Variants in ANTXR1 observed in about 807,000 individuals in gnomAD.
The protein encoded by ANTXR1 is anthrax toxin receptor 1.
Under a neutral mutation model 78.1 loss-of-function variants are expected in ANTXR1, and 19 were observed. The ratio of observed to expected loss-of-function variants is 0.24; its 90% CI spans 0.17 to 0.36. The LOEUF is 0.36. ANTXR1 is among the 10% of genes least tolerant of loss of function. The pLI is 1.00. For missense variants in ANTXR1, 518 were observed against 718.6 expected (o/e 0.72, Z 3.19); for synonymous variants, 273 against 260.5 (o/e 1.05, Z -0.46).
chr2:69,119,187 G>A (rs936818597), intron 10 of ANTXR1, among the ~76,000 whole-genome samples: 5 of 152,202 alleles, frequency 3.3e-5, no homozygotes, highest in Admixed American at 3.3e-4. Flanking sequence ...GTTGTCCAGA[G>A]GCAGCCGGAA....
rs758980852 is a variant in ANTXR1 at position 69,073,145 on chromosome 2, G to T, written c.492+44G>T. On this transcript the variant is annotated intron_variant, in intron 6 of 17. Coordinates refer to ENST00000303714, the MANE Select transcript of ANTXR1 (RefSeq NM_032208.3). ...GTGTCTAAACATATACATGGAACGG[G>T]GCTTCTCCTTTCTAAAATGGGCCAC... 14 of 1,586,228 alleles carry T rather than the reference G, an allele frequency of 8.8e-6. No individual in the cohort carries two copies. The South Asian group carries it at 1.5e-4, about 18-fold the overall frequency.
At chr2:69,047,233 T>C (rs1669795605) in intron 3 of ANTXR1, among the ~76,000 whole-genome samples, 1 of 152,126 alleles carries the variant, frequency 6.6e-6, no homozygotes, top group Admixed American at 6.6e-5. Flanking sequence ...CATTCAGTTC[T>C]TGGGATCAAA....
At position 69,052,622 on chromosome 2, in the gene ANTXR1, T is replaced by G. The variant is rs75931131; in HGVS notation, c.296+7809T>G. On this transcript the variant is annotated intron_variant, in intron 3 of 17. Transcript: ENST00000303714. ...CCCTTCATTAATTTTGTAAAGTACT[T>G]TGTGTAGTACTTGAGCCATTCTATC... 3.6e-4 allele frequency among the ~76,000 whole-genome samples: 55 copies of G among 152,212 alleles called. No individual in the cohort carries two copies. The East Asian group carries it at 0.01, about 28-fold the overall frequency.
chr2:69,124,856 C>T (rs1032533256), intron 12 of ANTXR1, among the ~76,000 whole-genome samples: 1 of 152,136 alleles, frequency 6.6e-6, no homozygotes, highest in African/African-American at 2.4e-5. Flanking sequence ...GTGTTAAGTT[C>T]TCCAGCTTCC....
chr2:69,059,639 C>T (rs560930380), intron 3 of ANTXR1, among the ~76,000 whole-genome samples: 24 of 152,216 alleles, frequency 1.6e-4, no homozygotes, highest in Admixed American at 5.2e-4. Flanking sequence ...CCACTATGCC[C>T]GGCTAATTTG....
chr2:69,199,708 T>C (rs527714732), intron 17 of ANTXR1, among the ~76,000 whole-genome samples: 23 of 152,226 alleles, frequency 1.5e-4, no homozygotes, highest in Admixed American at 1.2e-3. Context: ...TGGGCACTTA[T>C]AGGATCACCT....
At chr2:69,068,490 G>A (rs567319020) in intron 3 of ANTXR1, among the ~76,000 whole-genome samples, 12 of 152,250 alleles carry the variant, frequency 7.9e-5, no homozygotes, top group African/African-American at 1.9e-4. Flanking sequence ...TAGTGTTCCC[G>A]GGCAGCAGTG....
At chr2:69,228,354 G>A (rs2104518199) in intron 17 of ANTXR1, among the ~76,000 whole-genome samples, 1 of 152,172 alleles carries the variant, frequency 6.6e-6, no homozygotes, top group East Asian at 1.9e-4. Context: ...TTCTCAAATG[G>A]GTAATATTAC....
chr2:69,184,359 A>C (rs774581042), intron 16 of ANTXR1, among the ~76,000 whole-genome samples: 1 of 152,166 alleles, frequency 6.6e-6, no homozygotes, highest in African/African-American at 2.4e-5. Context: ...CTCTGGAAAG[A>C]TGTGGGCAAA....
chr2:69,161,616 T>C (rs144706682), intron 13 of ANTXR1, among the ~76,000 whole-genome samples: 136 of 152,348 alleles, frequency 8.9e-4, no homozygotes, highest in African/African-American at 3.1e-3. Flanking sequence ...AACTAGCATC[T>C]CATCTCTCCT....
At position 69,193,459 on chromosome 2, in the gene ANTXR1, T is replaced by TCTCA. The variant is rs57847359; in HGVS notation, c.1434+45_1434+46insTCAC. 180,753 of 956,518 alleles carry TCTCA rather than the reference T, an allele frequency of 0.19. 13,279 individuals carry two copies. The highest frequency in any genetic ancestry group is 0.22 in the Middle Eastern group (947 of 4,222). The allele number at this position is 956,518 out of a possible 1,614,324, so 59.3% of individuals were successfully genotyped here. ...TTAATGGTGTCTCTCTCTCTCTCTC[T>TCTCA]CACATACACACACACACACACACAC... On this transcript the variant is annotated intron_variant, in intron 17 of 17. Transcript: ENST00000303714.
intron 3 of ANTXR1, among the ~76,000 whole-genome samples, chr2:69,055,745 C>A (rs1022525927): frequency 2.0e-5 from 3 of 151,942 alleles, no homozygotes; most frequent in Non-Finnish European, 4.4e-5. Context: ...TTTTGGAGTA[C>A]AATTTATGCT....
At chr2:69,148,018 A>C (rs189802856) in intron 12 of ANTXR1, among the ~76,000 whole-genome samples, 253 of 152,302 alleles carry the variant, frequency 1.7e-3, no homozygotes, top group African/African-American at 5.8e-3. Context: ...AATTGGGCAG[A>C]ATTGCAGCTG....
At chr2:69,124,701 T>G in intron 12 of ANTXR1, 58 bp downstream of exon 12, 1 of 1,583,822 alleles carries the variant, frequency 6.3e-7, no homozygotes, top group Non-Finnish European at 8.7e-7. Flanking sequence ...CTATCAACGT[T>G]TCTTAAGCAG....
chr2:69,131,684 A>G (rs997609425), intron 12 of ANTXR1, among the ~76,000 whole-genome samples: 7 of 152,188 alleles, frequency 4.6e-5, no homozygotes, highest in Non-Finnish European at 7.3e-5. Context: ...GAATAAATGA[A>G]TGAACCCAAT....
chr2:69,154,003 A>G (rs1481633143), intron 13 of ANTXR1, among the ~76,000 whole-genome samples: 1 of 152,236 alleles, frequency 6.6e-6, no homozygotes, highest in Non-Finnish European at 1.5e-5. Flanking sequence ...GAAAGCACCT[A>G]ACACATAGTA....
At chr2:69,140,708 G>A (rs908686491) in intron 12 of ANTXR1, among the ~76,000 whole-genome samples, 3 of 152,192 alleles carry the variant, frequency 2.0e-5, no homozygotes, top group Non-Finnish European at 4.4e-5. Context: ...TATCACTGGA[G>A]GTAGTCTCCA....
At chr2:69,133,178 G>C (rs748857394) in intron 12 of ANTXR1, among the ~76,000 whole-genome samples, 7 of 152,134 alleles carry the variant, frequency 4.6e-5, no homozygotes, top group Non-Finnish European at 1.0e-4. Context: ...CTCATGATTA[G>C]CTCAGTCCCA....
intron 1 of ANTXR1, among the ~76,000 whole-genome samples, chr2:69,032,919 T>C (rs1369595959): frequency 1.3e-5 from 2 of 152,234 alleles, no homozygotes; most frequent in Non-Finnish European, 1.5e-5. Flanking sequence ...GAACAAAAGT[T>C]AACACATAAC....
Sources: gnomAD v4.1 joint callset for allele counts (sites outside exome capture counted in the v4.1 genomes callset) on GRCh38, gnomAD v4.1.1 for gene constraint, MANE v1.5 for transcripts, NCBI Gene and HGNC (gene_info 2026-07-23, HGNC 2026-07-21) for gene names.